ZNF117: variants seen among roughly 807,000 people sequenced by gnomAD.
ZNF117 encodes the protein zinc finger protein 117.
Under a neutral mutation model 41.2 loss-of-function variants are expected in ZNF117, and 37 were observed. The observed-to-expected ratio is 0.90, with a 90% CI of 0.69 to 1.18. The LOEUF (loss-of-function observed/expected upper bound fraction) is 1.18. ZNF117 is among the 50% of genes most tolerant of loss of function. The pLI, the probability that ZNF117 is intolerant of heterozygous loss-of-function variation, is 0.00. For synonymous variants in ZNF117, 186 were observed against 186.6 expected (o/e 1.00, Z 0.02); for missense variants, 546 against 557.5 (o/e 0.98, Z 0.21).
upstream of ZNF117, among the ~76,000 whole-genome samples, chr7:64,984,219 C>G (rs762354458): frequency 5.3e-5 from 8 of 152,130 alleles, no homozygotes; most frequent in Non-Finnish European, 1.0e-4. Flanking sequence ...GCAGCCTCCA[C>G]CTCCAGGGTT....
At chr7:64,984,393 C>T (rs541896428), upstream of ZNF117, among the ~76,000 whole-genome samples, 1 of 152,220 alleles carries the variant, frequency 6.6e-6, no homozygotes, top group East Asian at 1.9e-4. Flanking sequence ...GGACCTCCCA[C>T]CACCATAACT....
At chr7:64,973,942 A>G (rs1367569988), downstream of ZNF117, 1 of 151,972 alleles carries the variant, frequency 6.6e-6, no homozygotes, top group Non-Finnish European at 1.5e-5. Context: ...GAATGTTTAC[A>G]GGTTATTATG....
chr7:64,985,023 C>T (rs572885708), upstream of ZNF117, among the ~76,000 whole-genome samples: 3 of 151,792 alleles, frequency 2.0e-5, no homozygotes, highest in Non-Finnish European at 4.4e-5. Flanking sequence ...AACTCCTGAC[C>T]TCAGGTGATC....
At chr7:64,983,453 A>G (rs536875652), upstream of ZNF117, among the ~76,000 whole-genome samples, 1 of 152,370 alleles carries the variant, frequency 6.6e-6, no homozygotes, top group Non-Finnish European at 1.5e-5. Context: ...AGAATTTTAA[A>G]AAGTAGTTGA....
exon 3 of ZNF117, chr7:64,979,500 T>C (rs760324487): frequency 6.4e-7 from 1 of 1,554,672 alleles, no homozygotes; most frequent in Non-Finnish European, 8.7e-7. Context: ...TATGTTCTGC[T>C]CTGGCCAAAG....
intron 2 of ZNF117, chr7:64,981,166 T>C (rs1786023871): frequency 1.1e-5 from 6 of 557,680 alleles, no homozygotes; most frequent in African/African-American, 2.0e-5. Context: ...TGGCTTTCAC[T>C]GTGAAATTGA....
At chr7:64,984,997 G>A (rs902018898), upstream of ZNF117, among the ~76,000 whole-genome samples, 9 of 151,770 alleles carry the variant, frequency 5.9e-5, no homozygotes, top group East Asian at 3.9e-4. Context: ...TTGCCATGTC[G>A]GCAAGGCTGG....
chr7:64,979,714 T>C (rs1046775170), intron 2 of ZNF117, among the ~76,000 whole-genome samples, 178 bp from the exon 4 acceptor site: 1 of 151,898 alleles, frequency 6.6e-6, no homozygotes, highest in African/African-American at 2.4e-5. Flanking sequence ...CCAAAATGCA[T>C]TTATAGAAAA....
chr7:64,976,517 C>G (rs1361136703), exon 3 of ZNF117: 1 of 176,346 alleles, frequency 5.7e-6, no homozygotes, highest in African/African-American at 2.4e-5. Flanking sequence ...CACTAACTCT[C>G]TAATGTTGAG....
At chr7:64,983,358 G>A (rs1296214165), upstream of ZNF117, among the ~76,000 whole-genome samples, 2 of 151,874 alleles carry the variant, frequency 1.3e-5, no homozygotes, top group African/African-American at 4.8e-5. Context: ...TTTCTACGTG[G>A]CATATAAAGA....
chr7:64,977,968 C>G, exon 3 of ZNF117: 1 of 1,246,010 alleles, frequency 8.0e-7, no homozygotes. Context: ...AAAGCTTTGT[C>G]ACATTCATCA....
rs184199653 is a variant in ZNF117 at position 64,988,942 on chromosome 7, A to T, written c.-196+1005T>A. 3.4e-3 allele frequency among the ~76,000 whole-genome samples: 522 copies of T among 152,306 alleles called. 7 individuals carry two copies. Among genetic ancestry groups the T allele is most frequent in the African/African-American group, 0.012 (495 of 41,566 alleles). ...ACAAAACACTGCTTAAATAAATCATATATGACACAAATAAATGGAGATTTA... is the reference window on the plus strand; with the variant it reads ...ACAAAACACTGCTTAAATAAATCATTTATGACACAAATAAATGGAGATTTA... On this transcript the variant is annotated intron_variant, in intron 1 of 3. Coordinates refer to the ZNF117 transcript ENST00000282869.
upstream of ZNF117, among the ~76,000 whole-genome samples, chr7:64,982,329 A>T (rs571752516): frequency 6.6e-6 from 1 of 152,322 alleles, no homozygotes; most frequent in East Asian, 1.9e-4. Context: ...GTATAAGAAG[A>T]TCCACAACAT....
At chr7:64,985,486 G>T (rs1249127230), upstream of ZNF117, among the ~76,000 whole-genome samples, 1 of 152,100 alleles carries the variant, frequency 6.6e-6, no homozygotes, top group African/African-American at 2.4e-5. Context: ...TACCTTAAAA[G>T]ACAACAAATG....
downstream of ZNF117, chr7:64,974,399 G>A (rs1409753102): frequency 6.6e-6 from 1 of 151,836 alleles, no homozygotes; most frequent in Non-Finnish European, 1.5e-5. Context: ...CAGAAGATTT[G>A]GCAGTAATGA....
At chr7:64,986,665 C>T (rs918889670), upstream of ZNF117, among the ~76,000 whole-genome samples, 2 of 152,134 alleles carry the variant, frequency 1.3e-5, no homozygotes, top group Non-Finnish European at 2.9e-5. Context: ...TGTAACTTTT[C>T]ATCTTGTAGC....
chr7:64,984,023 T>C (rs1786085464), upstream of ZNF117, among the ~76,000 whole-genome samples: 1 of 152,184 alleles, frequency 6.6e-6, no homozygotes, highest in African/African-American at 2.4e-5. Context: ...AAGAAAGGGG[T>C]CATATTCTCA....
chr7:64,977,023 A>G (rs141518478), exon 3 of ZNF117: 8 of 533,324 alleles, frequency 1.5e-5, no homozygotes, highest in African/African-American at 1.2e-4. Flanking sequence ...GTAAGGTTTG[A>G]GGATAAGTTA....
At chr7:64,986,125 T>C (rs999512731), upstream of ZNF117, among the ~76,000 whole-genome samples, 3 of 141,026 alleles carry the variant, frequency 2.1e-5, no homozygotes, top group East Asian at 6.2e-4. Flanking sequence ...GAAATGTTTA[T>C]GGGAAAAAAG....
Sources: gnomAD v4.1 joint callset for allele counts (sites outside exome capture counted in the v4.1 genomes callset) on GRCh38, gnomAD v4.1.1 for gene constraint, MANE v1.5 for transcripts, NCBI Gene and HGNC (gene_info 2026-07-23, HGNC 2026-07-21) for gene names.